The following SPINK5 variants were observed in gnomAD, a reference collection of about 807,000 sequenced individuals.
The protein encoded by SPINK5 is serine protease inhibitor Kazal-type 5.
A neutral mutation model predicts 151.8 loss-of-function variants in SPINK5; 125 were observed. The observed-to-expected ratio is 0.82, with a 90% confidence interval of 0.71 to 0.96. SPINK5 has a LOEUF of 0.96. Among genes scored for constraint, SPINK5 ranks in the 40% least tolerant of loss-of-function variants. SPINK5 has a pLI of 0.00. For synonymous variants in SPINK5, 374 were observed against 395.3 expected (o/e 0.95, Z 0.64); for missense variants, 1,194 against 1,291.9 (o/e 0.92, Z 1.16).
Position 148,070,442 on chromosome 5 carries a change from A to G in SPINK5, c.201A>G (p.Lys67=), listed in dbSNP as rs765120512. 36 of 1,612,348 alleles carry G rather than the reference A, an allele frequency of 2.2e-5. No individual in the cohort carries two copies. Among genetic ancestry groups the G allele is most frequent in the Non-Finnish European group, 2.6e-5 (31 of 1,178,994 alleles). The change falls in exon 3 of 33, where the codon AAA becomes AAG. Residue 67 remains lysine, a synonymous_variant. Transcript: ENST00000256084. ...IMFINKCATC[K]MILEKEAKSQ... is the part of the protein sequence containing the mutation. ...TCATCAATAAATGTGCCACGTGCAA[A>G]ATGATACTGTGAGTAAAGGTTTCTT...
At chr5:148,106,871 A>G (rs944028761) in intron 16 of SPINK5, among the ~76,000 whole-genome samples, 166 bp from the exon 17 acceptor site, 1 of 152,176 alleles carries the variant, frequency 6.6e-6, no homozygotes, top group Non-Finnish European at 1.5e-5. Flanking sequence ...TAATGATGGG[A>G]CAATTCTGAT....
chr5:148,133,766 CGTT>C (rs1561710104), intron 31 of SPINK5, 28 bp from the exon 32 acceptor site: 1 of 1,607,382 alleles, frequency 6.2e-7, no homozygotes, highest in Admixed American at 1.7e-5. Context: ...AGAACTTCCT[CGTT>C]GTTGAAGCAT....
intron 30 of SPINK5, among the ~76,000 whole-genome samples, 177 bp downstream of exon 30, chr5:148,127,256 TA>T (rs1460001011): frequency 1.3e-5 from 2 of 152,198 alleles, no homozygotes; most frequent in African/African-American, 4.8e-5. Context: ...GATTTCTCAT[TA>T]GTGCCTTATC....
chr5:148,065,403 C>A (rs1752553640), intron 2 of SPINK5, 31 bp downstream of exon 2: 1 of 1,612,406 alleles, frequency 6.2e-7, no homozygotes, highest in South Asian at 1.1e-5. Flanking sequence ...TCATTGAATT[C>A]ATTCCAAGAT....
intron 6 of SPINK5, chr5:148,089,157 G>A (rs1482118488): frequency 4.2e-6 from 2 of 470,948 alleles, no homozygotes; most frequent in Non-Finnish European, 8.4e-6. Flanking sequence ...AGCACCTGAG[G>A]TGACTTGCAC....
chr5:148,118,361 C>CACCT (rs1265311276), intron 22 of SPINK5, 76 bp from the exon 23 acceptor site: 1 of 1,602,736 alleles, frequency 6.2e-7, no homozygotes, highest in Non-Finnish European at 8.5e-7. Flanking sequence ...TTCTCTTACT[C>CACCT]AGACTGTTAA....
chr5:148,067,548 T>C (rs1177950153), intron 2 of SPINK5, among the ~76,000 whole-genome samples: 1 of 152,192 alleles, frequency 6.6e-6, no homozygotes, highest in East Asian at 1.9e-4. Context: ...TTTCCATTTT[T>C]ATGGTCTTTT....
intron 4 of SPINK5, among the ~76,000 whole-genome samples, chr5:148,084,077 T>C (rs1206260689): frequency 4.6e-5 from 7 of 151,910 alleles, no homozygotes; most frequent in Non-Finnish European, 8.8e-5. Context: ...CATAACATAA[T>C]TAGACTTGAT....
Position 148,108,660 on chromosome 5 carries a change from T to C in SPINK5, c.1608-93T>C. The C allele has an allele frequency of 3.9e-6, 6 of 1,543,690 alleles. No homozygotes were observed. The South Asian group carries it at 5.7e-5, about 15-fold the overall frequency. ...ATTTGTATTGAAGACTGAATCTGAC[T>C]GTTGGTTTGGAAGATCCTCATTCCT... On this transcript the variant is annotated intron_variant, in intron 17 of 32. Transcript: ENST00000256084.
intron 20 of SPINK5, among the ~76,000 whole-genome samples, chr5:148,113,429 C>T (rs1753997418): frequency 6.6e-6 from 1 of 152,150 alleles, no homozygotes; most frequent in African/African-American, 2.4e-5. Context: ...TTCCTGATAC[C>T]ACAGCCAGCC....
At chr5:148,097,707 G>C (rs1753505887) in intron 10 of SPINK5, among the ~76,000 whole-genome samples, 160 bp from the exon 11 acceptor site, 1 of 151,836 alleles carries the variant, frequency 6.6e-6, no homozygotes, top group Admixed American at 6.6e-5. Flanking sequence ...AATGTAAATG[G>C]ATATTACAAG....
At chr5:148,124,606 A>T (rs962764316) in intron 27 of SPINK5, among the ~76,000 whole-genome samples, 159 bp from the exon 28 acceptor site, 6 of 152,184 alleles carry the variant, frequency 3.9e-5, no homozygotes, top group African/African-American at 1.2e-4. Flanking sequence ...CAACAATCAG[A>T]ACTGATTAGC....
intron 22 of SPINK5, among the ~76,000 whole-genome samples, chr5:148,118,013 G>T (rs966398954): frequency 1.3e-5 from 2 of 148,734 alleles, no homozygotes; most frequent in African/African-American, 2.5e-5. Flanking sequence ...GATGTTAGGG[G>T]TTTTTTTGTT....
chr5:148,098,040 G>A (rs376817513), intron 11 of SPINK5, 46 bp downstream of exon 11: 1 of 1,582,184 alleles, frequency 6.3e-7, no homozygotes, highest in African/African-American at 1.3e-5. Context: ...GGATCTTGCA[G>A]GTAATTTAAT....
intron 2 of SPINK5, among the ~76,000 whole-genome samples, chr5:148,066,464 C>T (rs976920510): frequency 1.3e-5 from 2 of 152,082 alleles, no homozygotes; most frequent in African/African-American, 4.8e-5. Flanking sequence ...CTATTCTTTA[C>T]GTTGAAACTC....
At chr5:148,091,574 T>A (rs6580517) in intron 8 of SPINK5, among the ~76,000 whole-genome samples, 112,764 of 151,564 alleles carry the variant, frequency 0.74, 43,179 homozygotes, top group African/African-American at 0.92. Flanking sequence ...TTTTACTCTG[T>A]ATAAATTGTT....
intron 3 of SPINK5, 72 bp from the exon 4 acceptor site, chr5:148,072,076 A>T: frequency 6.9e-7 from 1 of 1,451,324 alleles, no homozygotes. Context: ...AATTAAGTTT[A>T]CCATGTTAGC....
At chr5:148,115,779 C>T (rs1454730072) in intron 21 of SPINK5, among the ~76,000 whole-genome samples, 1 of 151,634 alleles carries the variant, frequency 6.6e-6, no homozygotes, top group Non-Finnish European at 1.5e-5. Context: ...AGCTGGAGAT[C>T]CCCAGTGAAC....
At chr5:148,073,823 C>T (rs1256392968) in intron 4 of SPINK5, among the ~76,000 whole-genome samples, 23 of 122,046 alleles carry the variant, frequency 1.9e-4, no homozygotes, top group Admixed American at 1.3e-3. Flanking sequence ...GTCACACACA[C>T]ACACACACAC....
Sources: allele counts gnomAD v4.1 joint callset (sites outside exome capture counted in the v4.1 genomes callset), GRCh38; gene constraint gnomAD v4.1.1; transcripts MANE v1.5; gene names NCBI Gene and HGNC (gene_info 2026-07-23, HGNC 2026-07-21).